Variants in MEIKIN observed in about 807,000 individuals in gnomAD.
MEIKIN encodes the protein meiotic kinetochore factor.
In MEIKIN at chr5:131,931,529, G is replaced by T. The variant is rs982272795; in HGVS notation, c.478+1984C>A. On this transcript the variant is annotated intron_variant, in intron 5 of 12. Coordinates refer to ENST00000442687, the MANE Select transcript of MEIKIN (RefSeq NM_001303622.2). Reference sequence around the variant, plus strand: ...CCTCAGAGAATTCAGAACACTGGATGTATTGTCAAGTCCCTTATCTTGCTC... The same window carrying T: ...CCTCAGAGAATTCAGAACACTGGATTTATTGTCAAGTCCCTTATCTTGCTC... Among the ~76,000 whole-genome samples, 3 of 152,182 alleles carry T rather than the reference G, an allele frequency of 2.0e-5. No homozygotes were observed. The East Asian group carries it at 5.8e-4, about 29-fold the overall frequency.
intron 8 of MEIKIN, among the ~76,000 whole-genome samples, chr5:131,894,158 C>G (rs1390444384): frequency 6.6e-6 from 1 of 152,132 alleles, no homozygotes; most frequent in Non-Finnish European, 1.5e-5. Flanking sequence ...AATAGGGAAT[C>G]CTTTCCCCAT....
chr5:131,859,569 T>A (rs1750248620), intron 9 of MEIKIN, among the ~76,000 whole-genome samples: 1 of 152,196 alleles, frequency 6.6e-6, no homozygotes, highest in African/African-American at 2.4e-5. Flanking sequence ...GTTCCTGCTT[T>A]GCCTTCCACC....
intron 9 of MEIKIN, among the ~76,000 whole-genome samples, chr5:131,855,711 T>C (rs912748498): frequency 6.6e-6 from 1 of 151,358 alleles, no homozygotes; most frequent in African/African-American, 2.4e-5. Flanking sequence ...CCAACATAGA[T>C]TGTGAGCAGA....
chr5:131,851,487 T>A (rs963434496), intron 10 of MEIKIN, 104 bp from the exon 11 acceptor site: 7 of 390,362 alleles, frequency 1.8e-5, no homozygotes, highest in Non-Finnish European at 3.2e-5. Context: ...ATTGGAAGCA[T>A]TTTCCTGTAA....
chr5:131,847,403 A>G (rs1750039020), intron 11 of MEIKIN, among the ~76,000 whole-genome samples: 2 of 152,078 alleles, frequency 1.3e-5, no homozygotes, highest in Non-Finnish European at 2.9e-5. Context: ...AGCTATAATA[A>G]TATCAGATAA....
intron 11 of MEIKIN, among the ~76,000 whole-genome samples, chr5:131,829,002 A>C (rs938436746): frequency 5.5e-4 from 83 of 152,200 alleles, no homozygotes; most frequent in African/African-American, 2.0e-3. Flanking sequence ...AAGAAAATAG[A>C]AGGAAAAAGT....
chr5:131,893,508 G>T (rs1426990528), intron 8 of MEIKIN, among the ~76,000 whole-genome samples: 1 of 152,228 alleles, frequency 6.6e-6, no homozygotes, highest in African/African-American at 2.4e-5. Context: ...CTTTGACTAG[G>T]AAAGGGAATT....
chr5:131,890,129 G>C (rs1293262108), intron 8 of MEIKIN, among the ~76,000 whole-genome samples: 1 of 151,472 alleles, frequency 6.6e-6, no homozygotes, highest in African/African-American at 2.4e-5. Flanking sequence ...TTTTATTGAG[G>C]ATTTTTGCGA....
chr5:131,903,090 A>AT (rs1213350169), intron 8 of MEIKIN, among the ~76,000 whole-genome samples: 1 of 152,226 alleles, frequency 6.6e-6, no homozygotes, highest in Non-Finnish European at 1.5e-5. Context: ...AAGAACTCAG[A>AT]TAAAAATAAA....
chr5:131,916,640 C>T lies in MEIKIN; in HGVS notation c.638+246G>A, dbSNP rs187606164. On this transcript the variant is annotated intron_variant, in intron 7 of 12. Coordinates refer to ENST00000442687, the MANE Select transcript of MEIKIN (RefSeq NM_001303622.2). ...CCAATCTGTCACTAAAAACTATTGACTATCCCTCTTGAATTTTTCTCAAAC... is the reference window on the plus strand; with the variant it reads ...CCAATCTGTCACTAAAAACTATTGATTATCCCTCTTGAATTTTTCTCAAAC... Among the ~76,000 whole-genome samples the T allele has an allele frequency of 5.9e-3, 897 of 152,338 alleles. 2 individuals are homozygous for T. The highest frequency in any genetic ancestry group is 0.01 in the Non-Finnish European group (694 of 68,018).
chr5:131,846,040 T>C (rs757007009), intron 11 of MEIKIN, among the ~76,000 whole-genome samples: 10 of 152,344 alleles, frequency 6.6e-5, no homozygotes, highest in Non-Finnish European at 1.0e-4. Context: ...AAGTGACTTG[T>C]TGCACACAAG....
At chr5:131,886,494 C>A (rs1750798522) in intron 8 of MEIKIN, among the ~76,000 whole-genome samples, 1 of 152,160 alleles carries the variant, frequency 6.6e-6, no homozygotes, top group Non-Finnish European at 1.5e-5. Context: ...CAGGGGAGAA[C>A]AGCATGACAT....
chr5:131,904,964 A>G (rs960737814), intron 8 of MEIKIN, among the ~76,000 whole-genome samples: 1 of 152,148 alleles, frequency 6.6e-6, no homozygotes, highest in Non-Finnish European at 1.5e-5. Context: ...GGAGGGGAAC[A>G]TCACACACCA....
At chr5:131,868,507 A>T (rs527550159) in intron 9 of MEIKIN, among the ~76,000 whole-genome samples, 2 of 151,984 alleles carry the variant, frequency 1.3e-5, no homozygotes, top group Admixed American at 1.3e-4. Context: ...TCTTTGGCCC[A>T]TTTTTCACTG....
chr5:131,879,114 A>G (rs1260636094), intron 8 of MEIKIN, 66 bp from the exon 9 acceptor site: 1 of 397,446 alleles, frequency 2.5e-6, no homozygotes, highest in South Asian at 1.3e-4. Flanking sequence ...AGTCCAAAGG[A>G]CAAGAGAATT....
intron 8 of MEIKIN, among the ~76,000 whole-genome samples, chr5:131,880,712 A>T (rs919663162): frequency 6.6e-6 from 1 of 152,188 alleles, no homozygotes; most frequent in African/African-American, 2.4e-5. Flanking sequence ...ACTGCCCCCA[A>T]GTTAAACTCA....
chr5:131,891,872 T>G (rs142728162), intron 8 of MEIKIN, among the ~76,000 whole-genome samples: 1 of 152,230 alleles, frequency 6.6e-6, no homozygotes, highest in Non-Finnish European at 1.5e-5. Context: ...CTTTTCCGTG[T>G]TCAGTGCTTC....
chr5:131,932,149 G>C (rs886083183), intron 5 of MEIKIN, among the ~76,000 whole-genome samples: 1 of 152,184 alleles, frequency 6.6e-6, no homozygotes, highest in Non-Finnish European at 1.5e-5. Context: ...CTGGGGTGGG[G>C]TGGAAATAAG....
At chr5:131,935,481 A>C (rs1259372833) in intron 4 of MEIKIN, among the ~76,000 whole-genome samples, 1 of 152,136 alleles carries the variant, frequency 6.6e-6, no homozygotes, top group African/African-American at 2.4e-5. Context: ...ATAGTACTAA[A>C]AGTTGAGGAG....
Sources: allele counts gnomAD v4.1 joint callset (sites outside exome capture counted in the v4.1 genomes callset), GRCh38; gene constraint gnomAD v4.1.1; transcripts MANE v1.5; gene names NCBI Gene and HGNC (gene_info 2026-07-23, HGNC 2026-07-21).